SUCLA2: variants seen among roughly 807,000 people sequenced by gnomAD.
SUCLA2 encodes the protein succinate-CoA ligase ADP-forming subunit beta.
Under a neutral mutation model 54.8 loss-of-function variants are expected in SUCLA2, and 30 were observed. The observed-to-expected ratio is 0.55, with a 90% confidence interval of 0.41 to 0.74. SUCLA2 has a LOEUF of 0.74. Among genes scored for constraint, SUCLA2 ranks in the 30% least tolerant of loss-of-function variants. The pLI is 0.00. For missense variants in SUCLA2, 476 were observed against 562.9 expected, an observed-to-expected ratio of 0.85 and a Z score of 1.56; for synonymous variants, 172 against 188.9, an observed-to-expected ratio of 0.91 and a Z score of 0.74.
chr13:47,996,221 G>T (rs1247105179), intron 2 of SUCLA2, among the ~76,000 whole-genome samples: 1 of 151,514 alleles, frequency 6.6e-6, no homozygotes, highest in Non-Finnish European at 1.5e-5. Flanking sequence ...TACTCGGGAG[G>T]CTGAGGCAGG....
At chr13:47,954,667 A>T in intron 6 of SUCLA2, 110 bp from the exon 7 acceptor site, 1 of 1,139,792 alleles carries the variant, frequency 8.8e-7, no homozygotes, top group East Asian at 2.5e-5. Context: ...TAATTTTGTT[A>T]CTTAATGAAA....
At chr13:47,979,897 A>C (rs527776451) in intron 4 of SUCLA2, among the ~76,000 whole-genome samples, 9 of 152,342 alleles carry the variant, frequency 5.9e-5, no homozygotes, top group East Asian at 3.9e-4. Flanking sequence ...CACACACACA[A>C]AAAAAACTCT....
Position 47,954,262 on chromosome 13 carries a change from T to C in SUCLA2, c.985A>G (p.Met329Val), listed in dbSNP as rs200167311. 4.1e-5 allele frequency: 66 copies of C among 1,613,680 alleles called. No individual in the cohort carries two copies. In the Admixed American group the frequency reaches 4.2e-4, roughly 10 times the overall value. ...GCLVNGAGLA[M>V]ATMDIIKLHG... The stretch of plus-strand genomic sequence containing the variant: ...AGTTTTATTATATCCATTGTGGCCA[T>C]AGCCAAACCAGCACCATTTACTATA... The change falls in exon 8 of 11, where the codon ATG (methionine) becomes GTG (valine). Residue 329 changes from methionine to valine, a missense_variant. This residue lies in a region of SUCLA2 where 342 missense variants were observed against 444.2 expected (regional missense o/e 0.77). Coordinates refer to ENST00000646932, the MANE Select transcript of SUCLA2 (RefSeq NM_003850.3).
intron 6 of SUCLA2, chr13:47,956,693 G>A (rs1395937665): frequency 6.6e-6 from 1 of 152,140 alleles, no homozygotes; most frequent in Non-Finnish European, 1.5e-5. Context: ...GTCCCACAGG[G>A]GACATCAGGA....
At chr13:47,989,562 C>G (rs1452047026) in intron 2 of SUCLA2, among the ~76,000 whole-genome samples, 8 of 151,954 alleles carry the variant, frequency 5.3e-5, no homozygotes, top group Admixed American at 1.3e-4. Flanking sequence ...TAAAAGTAAA[C>G]TGAAAATAAT....
intron 6 of SUCLA2, among the ~76,000 whole-genome samples, chr13:47,960,828 C>T (rs1042703494): frequency 1.3e-5 from 2 of 152,156 alleles, no homozygotes; most frequent in Non-Finnish European, 2.9e-5. Context: ...GATGAACACT[C>T]ATAATGAACT....
At chr13:47,976,702 G>C (rs953967870) in intron 4 of SUCLA2, among the ~76,000 whole-genome samples, 36 of 152,144 alleles carry the variant, frequency 2.4e-4, no homozygotes, top group Non-Finnish European at 1.3e-4. Flanking sequence ...GAAATGCTTA[G>C]GACCAGAAGA....
intron 2 of SUCLA2, among the ~76,000 whole-genome samples, chr13:47,995,187 TA>T (rs1555260067): frequency 6.6e-6 from 1 of 152,042 alleles, no homozygotes; most frequent in African/African-American, 2.4e-5. Context: ...ACCCTATCTC[TA>T]AAAAAAATTT....
chr13:47,945,022 C>T (rs916913310), intron 10 of SUCLA2, among the ~76,000 whole-genome samples: 2 of 151,884 alleles, frequency 1.3e-5, no homozygotes, highest in Non-Finnish European at 2.9e-5. Context: ...GAGGCCGAGG[C>T]AGGTGGATCA....
At chr13:47,944,873 A>G (rs1949716901) in intron 10 of SUCLA2, among the ~76,000 whole-genome samples, 1 of 152,152 alleles carries the variant, frequency 6.6e-6, no homozygotes, top group South Asian at 2.1e-4. Flanking sequence ...TTGTAATCCC[A>G]GCACTTTGGA....
chr13:47,963,539 G>A (rs1393165677), intron 6 of SUCLA2, among the ~76,000 whole-genome samples: 5 of 152,178 alleles, frequency 3.3e-5, no homozygotes, highest in Admixed American at 6.5e-5. Flanking sequence ...CAGCTACTCG[G>A]GGGGCCGAGA....
chr13:47,965,512 C>CA (rs1566085310), intron 6 of SUCLA2: 198 of 358,658 alleles, frequency 5.5e-4, no homozygotes, highest in African/African-American at 2.2e-3. Flanking sequence ...AAAAAACAAA[C>CA]AAACAAAAAA....
At chr13:47,977,719 A>G (rs1356684021) in intron 4 of SUCLA2, among the ~76,000 whole-genome samples, 1 of 152,188 alleles carries the variant, frequency 6.6e-6, no homozygotes, top group Non-Finnish European at 1.5e-5. Flanking sequence ...AAAATTGAAT[A>G]CCCTTTCACG....
chr13:47,959,077 C>T (rs9595825), intron 6 of SUCLA2, among the ~76,000 whole-genome samples: 110,883 of 152,034 alleles, frequency 0.73, 41,395 homozygotes, highest in Non-Finnish European at 0.82. Flanking sequence ...TAGTTCAGGA[C>T]TGCTTTCTAG....
intron 4 of SUCLA2, among the ~76,000 whole-genome samples, chr13:47,982,990 G>A (rs1410142983): frequency 6.6e-6 from 1 of 152,082 alleles, no homozygotes; most frequent in African/African-American, 2.4e-5. Context: ...CAGAAATGAG[G>A]GTAACCTGGG....
At chr13:47,954,608 A>T (rs1453884171) in intron 6 of SUCLA2, 51 bp from the exon 7 acceptor site, 1 of 1,581,876 alleles carries the variant, frequency 6.3e-7, no homozygotes, top group Non-Finnish European at 8.7e-7. Flanking sequence ...CAGATACAAT[A>T]AAGTATCAAA....
intron 4 of SUCLA2, among the ~76,000 whole-genome samples, chr13:47,983,577 C>T (rs1950075955): frequency 6.6e-6 from 1 of 151,642 alleles, no homozygotes; most frequent in African/African-American, 2.4e-5. Flanking sequence ...GCAAGCTCCG[C>T]CTCCCGGGTT....
At chr13:47,967,518 G>GGA (rs1267597373) in intron 6 of SUCLA2, among the ~76,000 whole-genome samples, 10 of 152,154 alleles carry the variant, frequency 6.6e-5, no homozygotes, top group African/African-American at 2.4e-4. Context: ...ATCTTAAGAT[G>GGA]GAGAATAAAA....
chr13:47,991,966 T>C (rs1950152566), intron 2 of SUCLA2, among the ~76,000 whole-genome samples: 1 of 148,828 alleles, frequency 6.7e-6, no homozygotes, highest in Non-Finnish European at 1.5e-5. Flanking sequence ...CTACAGGTTG[T>C]CTCTGAACCA....
Sources: allele counts gnomAD v4.1 joint callset (sites outside exome capture counted in the v4.1 genomes callset), GRCh38; gene constraint gnomAD v4.1.1; regional missense constraint gnomAD v4.1.1; transcripts MANE v1.5; gene names NCBI Gene and HGNC (gene_info 2026-07-23, HGNC 2026-07-21).